AKT2: variants seen among roughly 807,000 people sequenced by gnomAD.
AKT2 encodes RAC-beta serine/threonine-protein kinase.
In AKT2, 16 loss-of-function variants were observed where a neutral mutation model predicts 58.6. The ratio of observed to expected loss-of-function variants is 0.27; its 90% CI spans 0.18 to 0.41. The LOEUF (loss-of-function observed/expected upper bound fraction) is 0.41. Ranked by LOEUF, AKT2 falls within the 10% of genes least tolerant of loss-of-function variation. AKT2 has a pLI of 1.00. For synonymous variants in AKT2, 253 were observed against 254.0 expected (o/e 1.00, Z 0.04); for missense variants, 438 against 661.0 (o/e 0.66, Z 3.70).
intron 7 of AKT2, chr19:40,239,412 A>G: frequency 3.7e-6 from 1 of 267,306 alleles, no homozygotes; most frequent in East Asian, 1.0e-4. Context: ...GGAGATCTAC[A>G]GAGAGTTCCT....
At position 40,240,064 on chromosome 19, in the gene AKT2, G is replaced by A; in HGVS notation, c.620C>T (p.Thr207Ile). 6.2e-7 allele frequency: 1 copy of A among 1,614,068 alleles called. No individual in the cohort carries two copies. Among genetic ancestry groups the A allele is most frequent in the African/African-American group, 1.3e-5 (1 of 75,056 alleles). The change falls in exon 7 of 14, where the codon ACC (threonine) becomes ATC (isoleucine). Residue 207 changes from threonine (T) to isoleucine (I), a missense_variant. This residue lies in a region of AKT2 where 244 missense variants were observed against 347.1 expected (regional missense o/e 0.70). Coordinates refer to ENST00000392038, the MANE Select transcript of AKT2 (RefSeq NM_001626.6). ...TVTESRVLQNTRHPFLTALKY... is the reference protein window; with the variant it reads ...TVTESRVLQNIRHPFLTALKY... Reference sequence around the variant, plus strand: ...ACTCACAGTGAGGAACGGGTGCCTGGTGTTCTGGAGGACCCGGCTCTCGGT... The same window carrying A: ...ACTCACAGTGAGGAACGGGTGCCTGATGTTCTGGAGGACCCGGCTCTCGGT...
At chr19:40,251,736 A>G (rs1230232628) in intron 4 of AKT2, among the ~76,000 whole-genome samples, 1 of 152,082 alleles carries the variant, frequency 6.6e-6, no homozygotes, top group Non-Finnish European at 1.5e-5. Context: ...TACGGCATGG[A>G]TAAGGAGAAG....
At chr19:40,257,187 G>T in intron 2 of AKT2, 133 bp from the exon 3 acceptor site, 1 of 1,213,848 alleles carries the variant, frequency 8.2e-7, no homozygotes, top group Non-Finnish European at 1.2e-6. Flanking sequence ...GGGGACACAC[G>T]AGAATGCCTC....
At position 40,237,786 on chromosome 19, in the gene AKT2, G is replaced by A. The variant is rs1420356650; in HGVS notation, c.831+183C>T. ...ACCCTGGACCTTGGTGGGGAGCCTGGTGAATGAGGGCAGCCACCACCCTGG... is the reference window on the plus strand; with the variant it reads ...ACCCTGGACCTTGGTGGGGAGCCTGATGAATGAGGGCAGCCACCACCCTGG... On this transcript the variant is annotated intron_variant, in intron 9 of 13. Coordinates refer to ENST00000392038, the MANE Select transcript of AKT2 (RefSeq NM_001626.6). This position sits in a 1 kb window ranked among gnomAD's most constrained non-coding sequence, Gnocchi z 4.5. The A allele has an allele frequency of 3.6e-6, 3 of 829,604 alleles. No individual in the cohort carries two copies. The highest frequency in any genetic ancestry group is 5.5e-6 in the Non-Finnish European group (3 of 541,454). 51.4% of individuals were successfully genotyped at this position (829,604 alleles called of 1,614,324 possible). A position where few individuals can be genotyped will look rare whatever the true frequency, so the allele number is the denominator to read the frequency against.
At chr19:40,278,397 T>C (rs1296538022) in intron 1 of AKT2, among the ~76,000 whole-genome samples, 1 of 152,166 alleles carries the variant, frequency 6.6e-6, no homozygotes, top group African/African-American at 2.4e-5. Context: ...TGCCCAGCAC[T>C]GAGAGGCGAA....
chr19:40,242,487 TG>T lies in AKT2; in HGVS notation c.441+46del. On this transcript the variant is annotated intron_variant, in intron 5 of 13. Transcript: ENST00000392038. This position sits in a 1 kb window ranked among gnomAD's most constrained non-coding sequence, Gnocchi z 4.3. ...AAGGAGAGCAGGCCAGCACTGGGGG[TG>T]GGGGCACCGCAGGCTGGCAGCCCCA... is the stretch of plus-strand genomic sequence containing the variant. The T allele has an allele frequency of 6.2e-7, 1 of 1,610,612 alleles. No individual in the cohort carries two copies. The highest frequency in any genetic ancestry group is 8.5e-7 in the Non-Finnish European group (1 of 1,179,494).
At position 40,285,286 on chromosome 19, in the gene AKT2, C is replaced by T. The variant is rs2077494962; in HGVS notation, c.-190G>A. 2.5e-6 allele frequency: 1 copy of T among 394,984 alleles called. No homozygotes were observed. Among genetic ancestry groups the T allele is most frequent in the Non-Finnish European group, 4.5e-6 (1 of 223,820 alleles). 24.5% of individuals were successfully genotyped at this position (394,984 alleles called of 1,614,324 possible). ...TGTTTCCCGGCAGCGGCAACGGCGC[C>T]GGCAGCGGCAGCGGCGGCGGCGACG... On this transcript the variant is annotated 5_prime_UTR_variant, in exon 1 of 14. Coordinates refer to ENST00000392038, the MANE Select transcript of AKT2 (RefSeq NM_001626.6).
In AKT2 at chr19:40,233,962, CA is replaced by C; in HGVS notation, c.1367-12del. On this transcript the variant is annotated splice_polypyrimidine_tract_variant and intron_variant, in intron 13 of 13. Coordinates refer to ENST00000392038, the MANE Select transcript of AKT2 (RefSeq NM_001626.6). The surrounding 1 kb of genome is among the most constrained non-coding windows in gnomAD (Gnocchi z 4.3). Reference sequence around the variant, plus strand: ...AGCCCAGGCTGTCATCTGTGGGCGGCAGAGGTGGATGGGGAGGACCAGTCAG... The same window carrying C: ...AGCCCAGGCTGTCATCTGTGGGCGGCGAGGTGGATGGGGAGGACCAGTCAG... The C allele has an allele frequency of 6.2e-7, 1 of 1,609,332 alleles. No homozygotes were observed. The highest frequency in any genetic ancestry group is 2.2e-5 in the East Asian group (1 of 44,866).
At position 40,275,551 on chromosome 19, in the gene AKT2, A is replaced by G. The variant is rs1236141354; in HGVS notation, c.-85+9630T>C. On this transcript the variant is annotated intron_variant, in intron 1 of 13. Coordinates refer to ENST00000392038, the MANE Select transcript of AKT2 (RefSeq NM_001626.6). ...CCACATGCACACAGTCACAGCGAGT[A>G]GGTGCAGGAGAGGGACCGCAACCAG... The G allele has an allele frequency of 1.1e-5, 4 of 352,530 alleles. No homozygotes were observed. In the East Asian group the frequency reaches 3.0e-4, roughly 26 times the overall value. The allele number at this position is 352,530 out of a possible 1,614,324, so 21.8% of individuals were successfully genotyped here.
chr19:40,260,348 G>A lies in AKT2; in HGVS notation c.47-3294C>T, dbSNP rs376091167. Among the ~76,000 whole-genome samples, 20 of 150,814 alleles carry A rather than the reference G, an allele frequency of 1.3e-4. 1 individual carries two copies. The East Asian group carries it at 1.6e-3, about 12-fold the overall frequency. ...AGTTAAATATAGAATATATCACCCC[G>A]AGGCCGGGCTTGGTGGCTCACGCCT... On this transcript the variant is annotated intron_variant, in intron 2 of 13. Transcript: ENST00000392038.
chr19:40,275,629 T>A (rs1449259523), intron 1 of AKT2: 1 of 268,964 alleles, frequency 3.7e-6, no homozygotes, highest in African/African-American at 2.2e-5. Flanking sequence ...GGTTACTAAA[T>A]GTTTGAATGA....
chr19:40,259,365 C>T (rs143250954), intron 2 of AKT2, among the ~76,000 whole-genome samples: 401 of 152,208 alleles, frequency 2.6e-3, no homozygotes, highest in Non-Finnish European at 4.4e-3. Context: ...ACTGGATATC[C>T]ACATTCAAAA....
Position 40,233,415 on chromosome 19 carries a change from C to A in AKT2, c.*457G>T. On this transcript the variant is annotated 3_prime_UTR_variant, in exon 14 of 14. Coordinates refer to ENST00000392038, the MANE Select transcript of AKT2 (RefSeq NM_001626.6). This position sits in a 1 kb window ranked among gnomAD's most constrained non-coding sequence, Gnocchi z 4.3. The stretch of plus-strand genomic sequence containing the variant: ...TGGACCGCCCCGTGCCTGGCCACTC[C>A]GAGCCTAGGCCACGGGGCCTGGAAG... The A allele has an allele frequency of 4.2e-6, 2 of 474,384 alleles. No individual in the cohort carries two copies. The highest frequency in any genetic ancestry group is 3.8e-5 in the East Asian group (1 of 26,634). 29.4% of individuals were successfully genotyped at this position (474,384 alleles called of 1,614,324 possible).
chr19:40,265,192 A>C (rs1228206141), intron 2 of AKT2, 30 bp downstream of exon 2: 1 of 1,609,226 alleles, frequency 6.2e-7, no homozygotes, highest in Non-Finnish European at 8.5e-7. Flanking sequence ...CGTGGGAGAA[A>C]GAATCTGGCG....
At chr19:40,264,126 T>G (rs964301587) in intron 2 of AKT2, among the ~76,000 whole-genome samples, 4 of 152,152 alleles carry the variant, frequency 2.6e-5, no homozygotes, top group African/African-American at 9.7e-5. Context: ...GAACAGCGCC[T>G]GGCCCACAGG....
chr19:40,284,626 C>T (rs1235482222), intron 1 of AKT2: 1 of 152,342 alleles, frequency 6.6e-6, no homozygotes, highest in Non-Finnish European at 1.5e-5. Context: ...CCTGTCCCGC[C>T]CCGTCCCAGT....
chr19:40,255,180 G>A lies in AKT2; in HGVS notation c.265C>T (p.His89Tyr). ...GACCTCTCGTCTGGAGAATCCACGTGGAAGGTCCTCTCGATGACTGTGGTC... is the reference window on the plus strand; with the variant it reads ...GACCTCTCGTCTGGAGAATCCACGTAGAAGGTCCTCTCGATGACTGTGGTC... The part of the protein sequence containing the change: ...QWTTVIERTF[H>Y]VDSPDEREEW... Residue 89 changes from histidine to tyrosine, a missense_variant, in exon 4 of 14, where the codon CAC (histidine) becomes TAC (tyrosine). Coordinates refer to ENST00000392038, the MANE Select transcript of AKT2 (RefSeq NM_001626.6). The A allele has an allele frequency of 6.2e-7, 1 of 1,614,012 alleles. No individual in the cohort carries two copies. Among genetic ancestry groups the A allele is most frequent in the East Asian group, 2.2e-5 (1 of 44,886 alleles).
intron 4 of AKT2, among the ~76,000 whole-genome samples, chr19:40,253,161 GCAGT>G: frequency 6.6e-6 from 1 of 152,232 alleles, no homozygotes; most frequent in Middle Eastern, 3.4e-3. Flanking sequence ...ATCGGCACAA[GCAGT>G]CAGCACAGGC....
chr19:40,278,541 G>C (rs1600115272), intron 1 of AKT2, among the ~76,000 whole-genome samples: 1 of 152,196 alleles, frequency 6.6e-6, no homozygotes, highest in East Asian at 1.9e-4. Flanking sequence ...GCAGCGTCTG[G>C]TTGGGCAGGA....
Sources: gnomAD v4.1 joint callset for allele counts (sites outside exome capture counted in the v4.1 genomes callset) on GRCh38, gnomAD v4.1.1 for gene constraint, gnomAD v4.1.1 regional missense constraint, Gnocchi (gnomAD v3.1) non-coding constraint, MANE v1.5 for transcripts, NCBI Gene and HGNC (gene_info 2026-07-23, HGNC 2026-07-21) for gene names.